The following COP1 variants were observed in gnomAD, a reference collection of about 807,000 sequenced individuals.
COP1 encodes the protein E3 ubiquitin-protein ligase COP1.
COP1 carries 24 observed loss-of-function variants against 101.3 expected under a neutral mutation model. The ratio of observed to expected loss-of-function variants is 0.24; its 90% CI spans 0.17 to 0.33. The LOEUF is 0.33. COP1 is among the 10% of genes least tolerant of loss of function. COP1 has a pLI of 1.00. For missense variants in COP1, 663 were observed against 906.2 expected (o/e 0.73, Z 3.45); for synonymous variants, 347 against 341.9 (o/e 1.01, Z -0.17).
intron 15 of COP1, among the ~76,000 whole-genome samples, chr1:176,010,621 A>G (rs1052125620): frequency 7.2e-5 from 11 of 152,228 alleles, no homozygotes; most frequent in African/African-American, 2.7e-4. Context: ...GAAGAGGCAC[A>G]TGTTTGTTCC....
intron 8 of COP1, among the ~76,000 whole-genome samples, chr1:176,124,254 T>C (rs1014887250): frequency 9.8e-5 from 15 of 152,340 alleles, no homozygotes; most frequent in Admixed American, 9.8e-4. Context: ...TTATCCTTTG[T>C]GTTACAAACA....
At chr1:176,044,648 T>C (rs971482311) in intron 12 of COP1, among the ~76,000 whole-genome samples, 2 of 152,190 alleles carry the variant, frequency 1.3e-5, no homozygotes, top group African/African-American at 4.8e-5. Flanking sequence ...TGAATTTAGG[T>C]AGACTTGAGT....
intron 11 of COP1, among the ~76,000 whole-genome samples, chr1:176,078,384 C>G (rs2481650): frequency 6.6e-6 from 1 of 152,066 alleles, no homozygotes; most frequent in Non-Finnish European, 1.5e-5. Flanking sequence ...TCAACAAAAA[C>G]AAGCAATGGG....
intron 14 of COP1, 31 bp downstream of exon 14, chr1:176,043,155 G>A (rs1417478737): frequency 1.5e-6 from 2 of 1,332,332 alleles, no homozygotes; most frequent in Non-Finnish European, 2.2e-6. Context: ...CCAGGGAGAA[G>A]GAGGTGCTGA....
At chr1:176,184,549 AAAACACGTAACTTCTCATTGGCTAC>A in intron 2 of COP1, 59 bp downstream of exon 2, 1 of 1,175,464 alleles carries the variant, frequency 8.5e-7, no homozygotes, top group Non-Finnish European at 1.2e-6. Context: ...AAGTTGGTTT[AAAACACGTAACTTCTCATTGGCTAC>A]ATTTACAGAT....
intron 9 of COP1, among the ~76,000 whole-genome samples, chr1:176,091,725 G>T (rs972060208): frequency 3.9e-5 from 6 of 151,908 alleles, no homozygotes; most frequent in African/African-American, 1.5e-4. Flanking sequence ...AGGGATGGTG[G>T]GGGAGGTAAA....
At chr1:175,982,991 T>C (rs1656231607) in intron 18 of COP1, among the ~76,000 whole-genome samples, 1 of 152,156 alleles carries the variant, frequency 6.6e-6, no homozygotes, top group Admixed American at 6.5e-5. Flanking sequence ...TTAATAATAA[T>C]GTAGTGGATA....
intron 15 of COP1, among the ~76,000 whole-genome samples, chr1:175,999,170 A>T (rs1661002337): frequency 6.6e-6 from 1 of 152,092 alleles, no homozygotes; most frequent in Non-Finnish European, 1.5e-5. Context: ...GACTATAGTC[A>T]CCTCGTTATG....
In COP1 at chr1:176,176,820, A is replaced by G. The variant is rs34262560; in HGVS notation, c.468-813T>C. 2.8e-4 allele frequency among the ~76,000 whole-genome samples: 36 copies of G among 130,780 alleles called. No homozygotes were observed. The Admixed American group carries it at 2.8e-3, about 10-fold the overall frequency. 85.8% of individuals were successfully genotyped at this position (130,780 alleles called of 152,430 possible). A position where few individuals can be genotyped will look rare whatever the true frequency, so the allele number is the denominator to read the frequency against. ...GAGACCCTGTCTGAAAAAAAGAGAA[A>G]AAAAAGACAAAAGAAAATAATGTCA... is the stretch of plus-strand genomic sequence containing the variant. On this transcript the variant is annotated intron_variant, in intron 2 of 19. Transcript: ENST00000367669.
intron 1 of COP1, among the ~76,000 whole-genome samples, chr1:176,191,626 C>T (rs1406037598): frequency 6.6e-6 from 1 of 152,006 alleles, no homozygotes; most frequent in Non-Finnish European, 1.5e-5. Flanking sequence ...CTTCTTTACA[C>T]CTATACCGAT....
chr1:175,969,876 T>C (rs1000507543), intron 18 of COP1, among the ~76,000 whole-genome samples: 4 of 152,182 alleles, frequency 2.6e-5, no homozygotes, highest in Admixed American at 6.5e-5. Flanking sequence ...CAAGCAATGA[T>C]AGTACTATTA....
intron 3 of COP1, among the ~76,000 whole-genome samples, chr1:176,173,324 G>GAAAAAAAAAAAAA (rs11396126): frequency 1.1e-5 from 1 of 93,748 alleles, no homozygotes. Flanking sequence ...AAAACAAAAT[G>GAAAAAAAAAAAAA]AAAAAAAAAA....
intron 10 of COP1, among the ~76,000 whole-genome samples, chr1:176,082,904 A>G (rs979896151): frequency 2.6e-5 from 4 of 152,204 alleles, no homozygotes; most frequent in African/African-American, 9.6e-5. Context: ...CAAATTTTAA[A>G]GATTTAAACA....
At chr1:176,007,259 A>G (rs80137408) in intron 15 of COP1, among the ~76,000 whole-genome samples, 40,910 of 151,816 alleles carry the variant, frequency 0.27, 6,575 homozygotes, top group East Asian at 0.49. Context: ...ATTTTTTTCA[A>G]TGTTTTCAAC....
chr1:176,157,831 C>A lies in COP1; in HGVS notation c.762+5038G>T, dbSNP rs138427173. ...AGGGAAAAAGTCAATCTATATGGAG[C>A]AAAATTGAAGACAGCAATAGAAACT... On this transcript the variant is annotated intron_variant, in intron 5 of 19. Transcript: ENST00000367669. Among the ~76,000 whole-genome samples, 404 of 152,072 alleles carry A rather than the reference C, an allele frequency of 2.7e-3. 3 individuals carry two copies. The highest frequency in any genetic ancestry group is 9.3e-3 in the African/African-American group (386 of 41,478).
At position 175,994,010 on chromosome 1, in the gene COP1, C is replaced by T. The variant is rs1037508632; in HGVS notation, c.1730-4531G>A. On this transcript the variant is annotated intron_variant, in intron 15 of 19. Transcript: ENST00000367669. ...AGCCAGAGAGAAAGGTCGGGTTAAC[C>T]ACAAAGGGAAGCCCATCAGACTAAG... Among the ~76,000 whole-genome samples, 4 of 152,204 alleles carry T rather than the reference C, an allele frequency of 2.6e-5. 1 individual carries two copies. The South Asian group carries it at 6.2e-4, about 24-fold the overall frequency.
intron 15 of COP1, among the ~76,000 whole-genome samples, chr1:175,996,266 C>A (rs1234957722): frequency 1.3e-5 from 2 of 152,256 alleles, no homozygotes; most frequent in Non-Finnish European, 2.9e-5. Context: ...TAAGAGCTAT[C>A]TATGACCAAC....
intron 18 of COP1, among the ~76,000 whole-genome samples, chr1:175,973,960 G>A (rs993425819): frequency 4.6e-5 from 7 of 152,188 alleles, no homozygotes; most frequent in African/African-American, 1.7e-4. Flanking sequence ...TGTTGCTGGA[G>A]TGTAAAATGT....
intron 1 of COP1, among the ~76,000 whole-genome samples, chr1:176,193,826 A>G (rs1194885514): frequency 6.6e-6 from 1 of 152,174 alleles, no homozygotes; most frequent in African/African-American, 2.4e-5. Flanking sequence ...ACGGGTACAG[A>G]GTTTCTTTAG....
Sources: allele counts gnomAD v4.1 joint callset (sites outside exome capture counted in the v4.1 genomes callset), GRCh38; gene constraint gnomAD v4.1.1; transcripts MANE v1.5; gene names NCBI Gene and HGNC (gene_info 2026-07-23, HGNC 2026-07-21).